Variants in DNAH9 observed in about 807,000 individuals in gnomAD.
DNAH9 encodes DNAH9 variant protein.
DNAH9 carries 345 observed loss-of-function variants against 471.6 expected under a neutral mutation model. The observed-to-expected ratio is 0.73, with a 90% CI of 0.67 to 0.80. The LOEUF (loss-of-function observed/expected upper bound fraction) is 0.80, where lower values mean the gene tolerates loss of function less well. DNAH9 is among the 30% of genes least tolerant of loss of function. DNAH9 has a pLI of 0.00. For missense variants in DNAH9, 5,407 were observed against 5,609.2 expected, an observed-to-expected ratio of 0.96 and a Z score of 1.15; for synonymous variants, 2,093 against 2,123.6, an observed-to-expected ratio of 0.99 and a Z score of 0.40.
intron 51 of DNAH9, among the ~76,000 whole-genome samples, chr17:11,869,497 C>G (rs1319201205): frequency 6.6e-6 from 1 of 152,186 alleles, no homozygotes; most frequent in Non-Finnish European, 1.5e-5. Context: ...TCAGGCAGCT[C>G]ATGCAAAATG....
At chr17:11,710,780 T>G (rs2074814375) in intron 26 of DNAH9, among the ~76,000 whole-genome samples, 1 of 152,232 alleles carries the variant, frequency 6.6e-6, no homozygotes, top group Non-Finnish European at 1.5e-5. Context: ...TCCTTTAACC[T>G]GTTTTAATCA....
At chr17:11,917,163 G>GT (rs1363672428) in intron 61 of DNAH9, among the ~76,000 whole-genome samples, 5 of 151,938 alleles carry the variant, frequency 3.3e-5, no homozygotes, top group Non-Finnish European at 7.4e-5. Context: ...TGTTTGTTTT[G>GT]TTTTTTTGAG....
intron 10 of DNAH9, among the ~76,000 whole-genome samples, chr17:11,642,909 A>T (rs1412991549): frequency 6.6e-6 from 1 of 152,218 alleles, no homozygotes; most frequent in Non-Finnish European, 1.5e-5. Flanking sequence ...GGGGGAAAAA[A>T]AAACGCCAGC....
intron 57 of DNAH9, among the ~76,000 whole-genome samples, chr17:11,891,241 A>C (rs1973040296): frequency 6.6e-6 from 1 of 152,208 alleles, no homozygotes; most frequent in Non-Finnish European, 1.5e-5. Context: ...ATCACTGCAG[A>C]GGTATATATG....
At chr17:11,663,051 G>A (rs1014976710) in intron 14 of DNAH9, among the ~76,000 whole-genome samples, 2 of 151,668 alleles carry the variant, frequency 1.3e-5, no homozygotes, top group South Asian at 2.1e-4. Flanking sequence ...CACCGCGCCC[G>A]GCCCGAGGCT....
chr17:11,764,845 T>A (rs916974276), intron 36 of DNAH9, among the ~76,000 whole-genome samples: 4 of 152,344 alleles, frequency 2.6e-5, no homozygotes, highest in African/African-American at 4.8e-5. Context: ...ATGCATAGAT[T>A]GTGGCGATGG....
chr17:11,783,830 C>G, intron 40 of DNAH9, 82 bp downstream of exon 40: 1 of 1,155,758 alleles, frequency 8.7e-7, no homozygotes, highest in East Asian at 2.4e-5. Context: ...TAATAATTGG[C>G]CTTTTTCCCC....
Position 11,929,840 on chromosome 17 carries a change from AG to A in DNAH9, c.11878-19del, listed in dbSNP as rs754300576. ...CAGAGCTAAGCAGATGCCTGTATTG[AG>A]GGGGGGCTCCTTCCTTCCCACTAGA... On this transcript the variant is annotated intron_variant, in intron 62 of 68. Coordinates refer to ENST00000262442, the MANE Select transcript of DNAH9 (RefSeq NM_001372.4). 5 of 1,594,086 alleles carry A rather than the reference AG, an allele frequency of 3.1e-6. No individual in the cohort carries two copies. In the South Asian group the frequency reaches 3.4e-5, roughly 11 times the overall value.
chr17:11,768,468 G>T lies in DNAH9; in HGVS notation c.7186G>T (p.Ala2396Ser). 1 of 1,613,898 alleles carries T rather than the reference G, an allele frequency of 6.2e-7. No individual in the cohort carries two copies. The highest frequency in any genetic ancestry group is 8.5e-7 in the Non-Finnish European group (1 of 1,179,808). ...MVQDQLVDYR[A>S]EFSKWWLTEF... ...GTTTTTGCAGCTTGTGGACTACCGGGCAGAGTTCAGCAAATGGTGGCTGAC... is the reference window on the plus strand; with the variant it reads ...GTTTTTGCAGCTTGTGGACTACCGGTCAGAGTTCAGCAAATGGTGGCTGAC... Residue 2396 changes from alanine (A) to serine (S), a missense_variant, in exon 37 of 69, where the codon GCA becomes TCA. Ala to Ser is a moderately conservative substitution (Grantham distance 99, BLOSUM62 1). This residue lies in a region of DNAH9 where 4,636 missense variants were observed against 4,900.3 expected (regional missense o/e 0.95). Transcript: ENST00000262442.
At chr17:11,704,911 C>T (rs2074673014) in intron 25 of DNAH9, 114 bp from the exon 26 acceptor site, 3 of 837,596 alleles carry the variant, frequency 3.6e-6, no homozygotes, top group South Asian at 3.0e-5. Flanking sequence ...CCACAGCATG[C>T]TGCACACTTT....
At chr17:11,742,931 G>A (rs2075453500) in intron 30 of DNAH9, among the ~76,000 whole-genome samples, 1 of 152,140 alleles carries the variant, frequency 6.6e-6, no homozygotes. Context: ...TGTCCAAGAT[G>A]CAGAAAATCC....
intron 50 of DNAH9, among the ~76,000 whole-genome samples, chr17:11,864,330 T>C (rs1971965053): frequency 6.6e-6 from 1 of 152,106 alleles, no homozygotes; most frequent in East Asian, 1.9e-4. Flanking sequence ...AGTTGAGCGG[T>C]TTTGAGTGAG....
At chr17:11,652,024 T>C (rs1597436100) in intron 13 of DNAH9, among the ~76,000 whole-genome samples, 1 of 152,278 alleles carries the variant, frequency 6.6e-6, no homozygotes, top group African/African-American at 2.4e-5. Flanking sequence ...AGTTGATTCA[T>C]GAAAGTCTTA....
intron 53 of DNAH9, among the ~76,000 whole-genome samples, chr17:11,878,939 A>T (rs1204506010): frequency 6.6e-6 from 1 of 152,204 alleles, no homozygotes. Flanking sequence ...AAGCTATTAT[A>T]TGTGGTACAG....
At position 11,738,977 on chromosome 17, in the gene DNAH9, C is replaced by T; in HGVS notation, c.5912C>T (p.Thr1971Ile). Residue 1971 changes from threonine (T) to isoleucine (I), a missense_variant, in exon 29 of 69, where the codon ACC becomes ATC. Around this residue, in one of 3 missense-constraint regions of DNAH9, gnomAD observed 4,636 missense variants for 4,900.3 expected, o/e 0.95. Transcript: ENST00000262442. ...SLNPSVGIFI[T>I]MNPGYAGRTE... Reference sequence around the variant, plus strand: ...AATCCTTCTGTCGGTATCTTCATCACCATGAACCCAGGCTATGCTGGCCGC... The same window carrying T: ...AATCCTTCTGTCGGTATCTTCATCATCATGAACCCAGGCTATGCTGGCCGC... 6.2e-7 allele frequency: 1 copy of T among 1,614,116 alleles called. No homozygotes were observed. The highest frequency in any genetic ancestry group is 2.2e-5 in the East Asian group (1 of 44,888).
At chr17:11,850,944 G>A (rs1271891190) in intron 49 of DNAH9, among the ~76,000 whole-genome samples, 1 of 152,154 alleles carries the variant, frequency 6.6e-6, no homozygotes, top group Non-Finnish European at 1.5e-5. Flanking sequence ...CTCATGAAGA[G>A]GAGGGATACA....
At position 11,604,582 on chromosome 17, in the gene DNAH9, A is replaced by C. The variant is rs143644672; in HGVS notation, c.418-3547A>C. On this transcript the variant is annotated intron_variant, in intron 1 of 68. Coordinates refer to ENST00000262442, the MANE Select transcript of DNAH9 (RefSeq NM_001372.4). Reference sequence around the variant, plus strand: ...CTACATTTTAACATGTGCAAACAAAAGCTCCTGTATCTTCTCTGAAGATCT... The same window carrying C: ...CTACATTTTAACATGTGCAAACAAACGCTCCTGTATCTTCTCTGAAGATCT... 7.6e-4 allele frequency among the ~76,000 whole-genome samples: 115 copies of C among 152,272 alleles called. 1 individual carries two copies. Among genetic ancestry groups the C allele is most frequent in the Middle Eastern group, 3.4e-3 (1 of 294 alleles).
chr17:11,913,977 T>C (rs2190612), intron 61 of DNAH9, among the ~76,000 whole-genome samples: 27,394 of 152,056 alleles, frequency 0.18, 2,730 homozygotes, highest in African/African-American at 0.26. Flanking sequence ...ATTTCATGCA[T>C]GCCTAGTTTA....
At position 11,664,791 on chromosome 17, in the gene DNAH9, G is replaced by A. The variant is rs781143738; in HGVS notation, c.2596-42G>A. ...CTGTTGATTACACCAGTTCTTTCAT[G>A]CTATTAAACGAGGTTTATATCCTTT... On this transcript the variant is annotated intron_variant, in intron 14 of 68. Transcript: ENST00000262442. The A allele has an allele frequency of 3.1e-5, 48 of 1,550,480 alleles. No homozygotes were observed. The South Asian group carries it at 5.1e-4, about 16-fold the overall frequency.
Sources: allele counts gnomAD v4.1 joint callset (sites outside exome capture counted in the v4.1 genomes callset), GRCh38; gene constraint gnomAD v4.1.1; regional missense constraint gnomAD v4.1.1; transcripts MANE v1.5; gene names NCBI Gene and HGNC (gene_info 2026-07-23, HGNC 2026-07-21).